ASAP1: variants seen among roughly 807,000 people sequenced by gnomAD.
ASAP1 encodes arf-GAP with SH3 domain, ANK repeat and PH domain-containing protein 1.
In ASAP1, 43 loss-of-function variants were observed where a neutral mutation model predicts 145.2. The ratio of observed to expected loss-of-function variants is 0.30; its 90% confidence interval spans 0.23 to 0.38. The LOEUF is 0.38. ASAP1 is among the 10% of genes least tolerant of loss of function. The pLI, the probability that ASAP1 is intolerant of heterozygous loss-of-function variation, is 1.00. For synonymous variants in ASAP1, 546 were observed against 515.5 expected, an observed-to-expected ratio of 1.06 and a Z score of -0.80; for missense variants, 1,018 against 1,355.3, an observed-to-expected ratio of 0.75 and a Z score of 3.91.
intron 3 of ASAP1, among the ~76,000 whole-genome samples, chr8:130,288,915 G>A (rs1221818313): frequency 2.0e-5 from 3 of 152,204 alleles, no homozygotes; most frequent in African/African-American, 4.8e-5. Flanking sequence ...GGCTGGGCGC[G>A]GTGGCTCATG....
intron 27 of ASAP1, among the ~76,000 whole-genome samples, chr8:130,073,159 G>C (rs2135241137): frequency 6.6e-6 from 1 of 152,114 alleles, no homozygotes; most frequent in South Asian, 2.1e-4. Context: ...GGAGGCTGAG[G>C]CGGGGGGATC....
rs1565067920 is a variant in ASAP1, at chr8:130,188,192, G to T, written c.406-9C>A. The stretch of plus-strand genomic sequence containing the variant: ...TGGCTCAAACCCTGGAGCTGAAAAA[G>T]CAAAGGGAAGATGGGAGATGGTTAA... On this transcript the variant is annotated splice_polypyrimidine_tract_variant and intron_variant, in intron 5 of 29. Transcript: ENST00000518721. The T allele has an allele frequency of 2.4e-5, 38 of 1,610,178 alleles. No individual in the cohort carries two copies. The highest frequency in any genetic ancestry group is 2.9e-5 in the Non-Finnish European group (34 of 1,176,678).
chr8:130,378,366 A>C (rs1241575582), intron 2 of ASAP1, among the ~76,000 whole-genome samples: 1 of 152,242 alleles, frequency 6.6e-6, no homozygotes. Flanking sequence ...TAAAGAGGAA[A>C]TCAGGAAGGA....
intron 3 of ASAP1, among the ~76,000 whole-genome samples, chr8:130,249,173 T>G (rs1031017463): frequency 6.6e-6 from 1 of 152,052 alleles, no homozygotes; most frequent in African/African-American, 2.4e-5. Context: ...CCTCCACCCA[T>G]CCATCTTCCG....
At chr8:130,152,107 C>T (rs2097647775) in intron 13 of ASAP1, among the ~76,000 whole-genome samples, 1 of 152,190 alleles carries the variant, frequency 6.6e-6, no homozygotes, top group South Asian at 2.1e-4. Context: ...CTCTTTTCTA[C>T]TATTCTGCTG....
At position 130,173,654 on chromosome 8, in the gene ASAP1, G is replaced by A. The variant is rs898468452; in HGVS notation, c.747-4587C>T. ...GTGGTGGTACATGCCTGTAGTCCCT[G>A]CTACTTGGGAGACTGAGGTGGGTGG... On this transcript the variant is annotated intron_variant, in intron 9 of 29. Coordinates refer to ENST00000518721, the MANE Select transcript of ASAP1 (RefSeq NM_018482.4). 2.0e-5 allele frequency among the ~76,000 whole-genome samples: 3 copies of A among 151,924 alleles called. No homozygotes were observed. The East Asian group carries it at 5.8e-4, about 29-fold the overall frequency.
intron 24 of ASAP1, among the ~76,000 whole-genome samples, chr8:130,111,149 G>C (rs914511513): frequency 2.9e-5 from 4 of 137,068 alleles, no homozygotes; most frequent in African/African-American, 1.1e-4. Context: ...AAGGTGGGAG[G>C]ATCAGTTGAG....
chr8:130,140,097 A>T (rs1400450061), intron 13 of ASAP1, among the ~76,000 whole-genome samples: 1 of 147,606 alleles, frequency 6.8e-6, no homozygotes, highest in East Asian at 2.0e-4. Context: ...CACTGGGGTG[A>T]TCATAGATCA....
At chr8:130,207,894 C>A (rs1193069321) in intron 5 of ASAP1, among the ~76,000 whole-genome samples, 1 of 152,080 alleles carries the variant, frequency 6.6e-6, no homozygotes, top group Non-Finnish European at 1.5e-5. Flanking sequence ...AATTAGAAAA[C>A]CTATTAAAGT....
chr8:130,178,853 C>T (rs989051358), intron 9 of ASAP1, among the ~76,000 whole-genome samples: 2 of 151,728 alleles, frequency 1.3e-5, no homozygotes, highest in Admixed American at 1.3e-4. Context: ...TGCACCACTG[C>T]ACTCCAGCCA....
At chr8:130,413,782 G>A (rs930726081) in intron 1 of ASAP1, among the ~76,000 whole-genome samples, 2 of 152,166 alleles carry the variant, frequency 1.3e-5, no homozygotes, top group African/African-American at 4.8e-5. Flanking sequence ...TTAAAAAAAG[G>A]AGATCAGTTC....
intron 7 of ASAP1, among the ~76,000 whole-genome samples, chr8:130,184,688 G>A (rs1230552842): frequency 6.6e-6 from 1 of 152,204 alleles, no homozygotes; most frequent in African/African-American, 2.4e-5. Context: ...GACAGAGTAA[G>A]TCTTAACTAG....
intron 3 of ASAP1, among the ~76,000 whole-genome samples, chr8:130,299,374 AG>A (rs1369016441): frequency 6.6e-6 from 1 of 152,224 alleles, no homozygotes; most frequent in Non-Finnish European, 1.5e-5. Context: ...GGAATACAAA[AG>A]GTAAAAAAGT....
chr8:130,173,624 C>T (rs937593699), intron 9 of ASAP1, among the ~76,000 whole-genome samples: 2 of 151,486 alleles, frequency 1.3e-5, no homozygotes, highest in Non-Finnish European at 2.9e-5. Context: ...AAACATTAGC[C>T]GGGCGTGGTG....
At chr8:130,072,824 T>TGTGTGTGTGTGTGTGTGTGTGCACGC in intron 27 of ASAP1, among the ~76,000 whole-genome samples, 2 of 32,282 alleles carry the variant, frequency 6.2e-5, no homozygotes, top group Non-Finnish European at 1.1e-4. Context: ...TGTGTGTGTG[T>TGTGTGTGTGTGTGTGTGTGTGCACGC]GCGCGCGGGG....
chr8:130,061,636 G>C (rs769404432), intron 27 of ASAP1, among the ~76,000 whole-genome samples: 20 of 152,038 alleles, frequency 1.3e-4, no homozygotes, highest in Non-Finnish European at 2.1e-4. Flanking sequence ...GTAGCAAAAG[G>C]CTTCTTCTAC....
chr8:130,250,078 G>A (rs1819099057), intron 3 of ASAP1, among the ~76,000 whole-genome samples: 1 of 152,084 alleles, frequency 6.6e-6, no homozygotes, highest in Non-Finnish European at 1.5e-5. Flanking sequence ...GAAAGTATCT[G>A]ATATTCAAGA....
At position 130,246,651 on chromosome 8, in the gene ASAP1, C is replaced by T. The variant is rs542548171; in HGVS notation, c.187-9657G>A. 6.7e-4 allele frequency among the ~76,000 whole-genome samples: 102 copies of T among 152,260 alleles called. 1 individual carries two copies. The highest frequency in any genetic ancestry group is 1.1e-3 in the Non-Finnish European group (77 of 68,012). On this transcript the variant is annotated intron_variant, in intron 3 of 29. Coordinates refer to ENST00000518721, the MANE Select transcript of ASAP1 (RefSeq NM_018482.4). Reference sequence around the variant, plus strand: ...CACGCGGAACTGTGAGTCAATTAAACGTCTTTTCTTTATAAATTACCCAAT... The same window carrying T: ...CACGCGGAACTGTGAGTCAATTAAATGTCTTTTCTTTATAAATTACCCAAT...
chr8:130,422,158 C>T (rs1372013013), intron 1 of ASAP1, among the ~76,000 whole-genome samples: 1 of 152,082 alleles, frequency 6.6e-6, no homozygotes, highest in East Asian at 1.9e-4. Context: ...CCTTACAGGC[C>T]TTCAGAGACC....
Sources: gnomAD v4.1 joint callset for allele counts (sites outside exome capture counted in the v4.1 genomes callset) on GRCh38, gnomAD v4.1.1 for gene constraint, MANE v1.5 for transcripts, NCBI Gene and HGNC (gene_info 2026-07-23, HGNC 2026-07-21) for gene names.